DMXL1: variants seen among roughly 807,000 people sequenced by gnomAD.
The protein encoded by DMXL1 is dmX-like protein 1.
DMXL1 carries 99 observed loss-of-function variants against 319.2 expected under a neutral mutation model. The ratio of observed to expected loss-of-function variants is 0.31; its 90% CI spans 0.26 to 0.37. The LOEUF is 0.37. Among genes scored for constraint, DMXL1 ranks in the 10% least tolerant of loss-of-function variants. The pLI is 1.00. For missense variants in DMXL1, 3,745 were observed against 3,595.6 expected, an observed-to-expected ratio of 1.04 and a Z score of -1.06; for synonymous variants, 1,385 against 1,235.2, an observed-to-expected ratio of 1.12 and a Z score of -2.54.
At chr5:119,139,264 A>G (rs1766732399) in intron 13 of DMXL1, among the ~76,000 whole-genome samples, 1 of 152,204 alleles carries the variant, frequency 6.6e-6, no homozygotes, top group African/African-American at 2.4e-5. Flanking sequence ...TAACACAATC[A>G]GATCCACACA....
chr5:119,137,408 G>A (rs1766263568), intron 13 of DMXL1, among the ~76,000 whole-genome samples: 1 of 152,192 alleles, frequency 6.6e-6, no homozygotes, highest in Admixed American at 6.5e-5. Context: ...TTGGGTTAAT[G>A]CTGTAAGGAG....
chr5:119,075,017 T>A (rs1750501021), intron 1 of DMXL1, among the ~76,000 whole-genome samples: 1 of 152,178 alleles, frequency 6.6e-6, no homozygotes, highest in South Asian at 2.1e-4. Context: ...AGTCCATGGT[T>A]TAGCACATGT....
At chr5:119,165,838 C>T (rs1773324200) in intron 21 of DMXL1, among the ~76,000 whole-genome samples, 1 of 152,244 alleles carries the variant, frequency 6.6e-6, no homozygotes, top group African/African-American at 2.4e-5. Flanking sequence ...TTACCTCCCA[C>T]TGGGTCCCTC....
chr5:119,211,684 G>T (rs1308983434), intron 34 of DMXL1, among the ~76,000 whole-genome samples: 1 of 152,286 alleles, frequency 6.6e-6, no homozygotes, highest in Middle Eastern at 3.4e-3. Context: ...TATGCCTTCG[G>T]CATTCTTTAG....
chr5:119,244,733 A>G (rs1055937904), intron 43 of DMXL1, among the ~76,000 whole-genome samples, 157 bp downstream of exon 43: 4 of 152,228 alleles, frequency 2.6e-5, no homozygotes, highest in African/African-American at 4.8e-5. Flanking sequence ...AATGAATGGA[A>G]TATTTAACTT....
rs193094492 is a variant in DMXL1, at chr5:119,209,949, C to A, written c.7926+3053C>A. On this transcript the variant is annotated intron_variant, in intron 34 of 43. Transcript: ENST00000539542. ...TTACTCTATGGCTTGTCTTTTCATTCTGTTTACAAGGTGTTTTCATTTTAT... is the reference window on the plus strand; with the variant it reads ...TTACTCTATGGCTTGTCTTTTCATTATGTTTACAAGGTGTTTTCATTTTAT... 3.4e-3 allele frequency among the ~76,000 whole-genome samples: 515 copies of A among 152,102 alleles called. 3 individuals are homozygous for A. The highest frequency in any genetic ancestry group is 0.012 in the African/African-American group (507 of 41,514).
At chr5:119,175,746 A>T (rs1300252441) in intron 26 of DMXL1, among the ~76,000 whole-genome samples, 1 of 152,162 alleles carries the variant, frequency 6.6e-6, no homozygotes, top group African/African-American at 2.4e-5. Context: ...CTCAGGGACC[A>T]CATGGGAGGG....
At chr5:119,171,402 C>T in intron 24 of DMXL1, 122 bp downstream of exon 24, 1 of 973,500 alleles carries the variant, frequency 1.0e-6, no homozygotes, top group Non-Finnish European at 1.5e-6. Flanking sequence ...GGAAAGCTCC[C>T]TTTTGTGTGG....
intron 19 of DMXL1, among the ~76,000 whole-genome samples, chr5:119,155,140 A>T (rs567939831): frequency 4.1e-4 from 62 of 152,198 alleles, no homozygotes; most frequent in Non-Finnish European, 1.3e-4. Context: ...GTACAAGGAG[A>T]TTAATATAGT....
chr5:119,129,451 A>C, intron 10 of DMXL1, 28 bp downstream of exon 10: 1 of 1,532,462 alleles, frequency 6.5e-7, no homozygotes, highest in Non-Finnish European at 8.8e-7. Flanking sequence ...AGGAAAATTT[A>C]AAGTTTTGCT....
Position 119,071,632 on chromosome 5 carries a change from C to T in DMXL1, c.63C>T (p.Gly21=). 8 of 1,598,606 alleles carry T rather than the reference C, an allele frequency of 5.0e-6. No individual in the cohort carries two copies. The South Asian group carries it at 7.9e-5, about 16-fold the overall frequency. ...VNPGDHCFSV[G]SIGDQRFTAY... is the part of the protein sequence containing the mutation. ...CTGGCGACCACTGCTTCTCCGTGGG[C>T]AGCATTGGCGACCAGCGCTTCACGG... The change falls in exon 1 of 44, where the codon GGC becomes GGT. Residue 21 remains glycine (G), a synonymous_variant. Coordinates refer to ENST00000539542, the MANE Select transcript of DMXL1 (RefSeq NM_001290321.3).
In DMXL1 at chr5:119,077,789, A is replaced by G. The variant is rs868245293; in HGVS notation, c.87+6133A>G. On this transcript the variant is annotated intron_variant, in intron 1 of 43. Coordinates refer to ENST00000539542, the MANE Select transcript of DMXL1 (RefSeq NM_001290321.3). Reference sequence around the variant, plus strand: ...TGTGTGTGTGTGTGTGTGTGTGTGTATATCTGTACTTACCTGGCGAGACCC... The same window carrying G: ...TGTGTGTGTGTGTGTGTGTGTGTGTGTATCTGTACTTACCTGGCGAGACCC... Among the ~76,000 whole-genome samples the G allele has an allele frequency of 3.1e-3, 346 of 110,822 alleles. 1 individual carries two copies. Among genetic ancestry groups the G allele is most frequent in the Middle Eastern group, 0.014 (3 of 218 alleles). 72.7% of individuals were successfully genotyped at this position (110,822 alleles called of 152,430 possible).
At chr5:119,225,647 A>G (rs1326325642) in intron 38 of DMXL1, among the ~76,000 whole-genome samples, 3 of 152,130 alleles carry the variant, frequency 2.0e-5, no homozygotes, top group Admixed American at 6.6e-5. Flanking sequence ...TTCATTTATG[A>G]TAAATGCTCA....
At chr5:119,131,062 T>C (rs1463062952) in intron 10 of DMXL1, among the ~76,000 whole-genome samples, 1 of 152,048 alleles carries the variant, frequency 6.6e-6, no homozygotes, top group Non-Finnish European at 1.5e-5. Context: ...TACTTTGCAT[T>C]TTCTTGATGC....
rs764242678 is a variant in DMXL1 at position 119,217,000 on chromosome 5, A to G, written c.8013+13A>G. ...TGCTGTTAATAAGGTAAGTACATAG[A>G]CATTCTTCTTTTGTTTATTAAGTAT... On this transcript the variant is annotated intron_variant, in intron 35 of 43. Coordinates refer to ENST00000539542, the MANE Select transcript of DMXL1 (RefSeq NM_001290321.3). 7.2e-7 allele frequency: 1 copy of G among 1,386,114 alleles called. No homozygotes were observed. Among genetic ancestry groups the G allele is most frequent in the East Asian group, 2.5e-5 (1 of 39,810 alleles). 85.9% of individuals were successfully genotyped at this position (1,386,114 alleles called of 1,614,324 possible). A position where few individuals can be genotyped will look rare whatever the true frequency, so the allele number is the denominator to read the frequency against.
chr5:119,127,395 G>C (rs1033196407), intron 9 of DMXL1: 3 of 146,718 alleles, frequency 2.0e-5, no homozygotes, highest in African/African-American at 5.1e-5. Flanking sequence ...CTGTCACCCA[G>C]GCAAGCCTGG....
Position 119,240,482 on chromosome 5 carries a change from A to G in DMXL1, c.8704+11A>G. ...ATAGTTTAGTCCATGGTAAGTTTTC[A>G]AAGCATTTTATAAATTTTGAAAGTC... is the stretch of plus-strand genomic sequence containing the variant. On this transcript the variant is annotated intron_variant, in intron 42 of 43. Coordinates refer to ENST00000539542, the MANE Select transcript of DMXL1 (RefSeq NM_001290321.3). 1.3e-6 allele frequency: 2 copies of G among 1,584,772 alleles called. No individual in the cohort carries two copies. The highest frequency in any genetic ancestry group is 2.7e-5 in the African/African-American group (2 of 74,116).
intron 37 of DMXL1, 141 bp from the exon 38 acceptor site, chr5:119,224,568 G>A: frequency 5.5e-6 from 2 of 360,584 alleles, no homozygotes; most frequent in Admixed American, 4.7e-5. Flanking sequence ...CTGTTATCAT[G>A]TTTAGTATTT....
At chr5:119,102,120 C>A in intron 3 of DMXL1, 114 bp downstream of exon 3, 4 of 535,918 alleles carry the variant, frequency 7.5e-6, no homozygotes, top group Middle Eastern at 6.8e-4. Flanking sequence ...TGTAATTGAA[C>A]CTACATGTTA....
Sources: gnomAD v4.1 joint callset for allele counts (sites outside exome capture counted in the v4.1 genomes callset) on GRCh38, gnomAD v4.1.1 for gene constraint, MANE v1.5 for transcripts, NCBI Gene and HGNC (gene_info 2026-07-23, HGNC 2026-07-21) for gene names.